LRP2: variants seen among roughly 807,000 people sequenced by gnomAD.
LRP2 encodes low-density lipoprotein receptor-related protein 2.
In LRP2, 172 loss-of-function variants were observed where a neutral mutation model predicts 531.0. The ratio of observed to expected loss-of-function variants is 0.32; its 90% CI spans 0.29 to 0.37. The LOEUF is 0.37. Among genes scored for constraint, LRP2 ranks in the 10% least tolerant of loss-of-function variants. LRP2 has a pLI of 1.00. For missense variants in LRP2, 5,167 were observed against 5,868.3 expected, an observed-to-expected ratio of 0.88 and a Z score of 3.90; for synonymous variants, 1,992 against 2,027.6, an observed-to-expected ratio of 0.98 and a Z score of 0.47.
chr2:169,238,039 G>A lies in LRP2; in HGVS notation c.4506+52C>T, dbSNP rs1046757839. 3.3e-6 allele frequency: 5 copies of A among 1,502,822 alleles called. No homozygotes were observed. In the African/African-American group the frequency reaches 5.5e-5, roughly 17 times the overall value. The allele number at this position is 1,502,822 out of a possible 1,614,324, so 93.1% of individuals were successfully genotyped here. On this transcript the variant is annotated intron_variant, in intron 27 of 78. Transcript: ENST00000649046. ...TCTCACTGGTGAATAACAGCAAACA[G>A]ACCCAAGACAGAGGAACTAGCCAGG...
intron 4 of LRP2, among the ~76,000 whole-genome samples, chr2:169,299,042 AAG>A (rs1293387619): frequency 6.6e-6 from 1 of 150,402 alleles, no homozygotes; most frequent in Non-Finnish European, 1.5e-5. Flanking sequence ...TTTATTAAAA[AAG>A]AAATTCAGAA....
chr2:169,262,684 A>G (rs62172659), intron 16 of LRP2, among the ~76,000 whole-genome samples: 5,755 of 149,760 alleles, frequency 0.038, 143 homozygotes, highest in South Asian at 0.1. Context: ...GGTAATTTAT[A>G]GATTCAATGC....
intron 1 of LRP2, among the ~76,000 whole-genome samples, chr2:169,356,876 T>C (rs754727052): frequency 6.6e-5 from 10 of 152,210 alleles, no homozygotes; most frequent in Non-Finnish European, 1.5e-4. Flanking sequence ...TTCAGAATCT[T>C]AAATGCAAAA....
Position 169,182,235 on chromosome 2 carries a change from G to A in LRP2, c.9930C>T (p.His3310=), listed in dbSNP as rs147493850. The A allele has an allele frequency of 1.2e-6, 2 of 1,614,032 alleles. No homozygotes were observed. Among genetic ancestry groups the A allele is most frequent in the Middle Eastern group, 1.6e-4 (1 of 6,080 alleles). ...AGAAGGTGTTGTTGGCATCCACACA[G>A]TGCTGGGCCAGCATGCGGCGGTGTC... is the stretch of plus-strand genomic sequence containing the variant. ...NGGHRRMLAQ[H]CVDANNTFCF... is the part of the protein sequence containing the mutation. Residue 3310 remains histidine, a synonymous_variant, in exon 51 of 79, where the codon CAC becomes CAT. Coordinates refer to ENST00000649046, the MANE Select transcript of LRP2 (RefSeq NM_004525.3).
At chr2:169,302,254 T>G (rs1684303346) in intron 4 of LRP2, among the ~76,000 whole-genome samples, 1 of 152,162 alleles carries the variant, frequency 6.6e-6, no homozygotes, top group East Asian at 1.9e-4. Flanking sequence ...TTAAAATAAC[T>G]AAGTACTGCT....
At chr2:169,171,158 G>T (rs1397047722) in intron 58 of LRP2, among the ~76,000 whole-genome samples, 1 of 152,006 alleles carries the variant, frequency 6.6e-6, no homozygotes, top group Non-Finnish European at 1.5e-5. Flanking sequence ...ATGCCAATTG[G>T]ATTACCCTTT....
At chr2:169,243,960 C>G (rs1039544018) in intron 22 of LRP2, among the ~76,000 whole-genome samples, 9 of 152,166 alleles carry the variant, frequency 5.9e-5, no homozygotes, top group Non-Finnish European at 1.2e-4. Context: ...CTGAACAGAA[C>G]AATTCTAAAA....
intron 4 of LRP2, among the ~76,000 whole-genome samples, chr2:169,299,910 A>C (rs1009598776): frequency 4.6e-5 from 7 of 152,118 alleles, no homozygotes; most frequent in African/African-American, 1.7e-4. Context: ...AAATAATTTG[A>C]ATACTCATCA....
chr2:169,356,113 A>G (rs998503180), intron 1 of LRP2, among the ~76,000 whole-genome samples: 1 of 152,122 alleles, frequency 6.6e-6, no homozygotes, highest in Non-Finnish European at 1.5e-5. Flanking sequence ...GCTGGTCTCA[A>G]ACTCCTAGGC....
intron 33 of LRP2, among the ~76,000 whole-genome samples, chr2:169,221,759 T>C (rs1283143050): frequency 6.6e-6 from 1 of 152,148 alleles, no homozygotes; most frequent in Non-Finnish European, 1.5e-5. Flanking sequence ...CTCTGCCTAT[T>C]GTCTGGTATC....
intron 17 of LRP2, 150 bp downstream of exon 17, chr2:169,258,875 A>C: frequency 1.3e-6 from 1 of 742,336 alleles, no homozygotes; most frequent in Non-Finnish European, 2.2e-6. Context: ...AGTTTTTTGG[A>C]GGAAAAAAGA....
At chr2:169,174,982 A>G (rs928923135) in intron 55 of LRP2, among the ~76,000 whole-genome samples, 2 of 150,502 alleles carry the variant, frequency 1.3e-5, no homozygotes, top group Non-Finnish European at 2.9e-5. Flanking sequence ...CTTATTGTCT[A>G]CTTCAACCAT....
chr2:169,172,868 CT>C (rs1328301843), intron 57 of LRP2, among the ~76,000 whole-genome samples: 1 of 152,210 alleles, frequency 6.6e-6, no homozygotes, highest in Non-Finnish European at 1.5e-5. Flanking sequence ...TTAATAACGT[CT>C]TCCTCAATGA....
At chr2:169,191,136 A>G (rs966507623) in intron 48 of LRP2, among the ~76,000 whole-genome samples, 2 of 152,228 alleles carry the variant, frequency 1.3e-5, no homozygotes, top group Admixed American at 1.3e-4. Flanking sequence ...CCAGATTTCC[A>G]ACTTCTGTCA....
chr2:169,140,797 G>A (rs1685693789), intron 71 of LRP2, among the ~76,000 whole-genome samples: 1 of 152,190 alleles, frequency 6.6e-6, no homozygotes, highest in Non-Finnish European at 1.5e-5. Flanking sequence ...CTAGACTCTG[G>A]AGCACATATA....
At chr2:169,338,093 C>T (rs1685454458) in intron 1 of LRP2, among the ~76,000 whole-genome samples, 1 of 150,704 alleles carries the variant, frequency 6.6e-6, no homozygotes, top group Non-Finnish European at 1.5e-5. Context: ...GCCTGACTGA[C>T]AGAGCAAACC....
chr2:169,247,642 A>T, intron 19 of LRP2, 127 bp from the exon 20 acceptor site: 1 of 1,004,800 alleles, frequency 1.0e-6, no homozygotes, highest in Admixed American at 1.9e-5. Flanking sequence ...AAATATCTGT[A>T]ATATGTTTCT....
At chr2:169,167,093 C>T (rs1314716251) in intron 61 of LRP2, among the ~76,000 whole-genome samples, 1 of 152,198 alleles carries the variant, frequency 6.6e-6, no homozygotes, top group African/African-American at 2.4e-5. Context: ...GTGTCTCTGA[C>T]TCTCCAAAGT....
At chr2:169,319,399 CTGTT>C (rs1684852015) in intron 2 of LRP2, among the ~76,000 whole-genome samples, 1 of 152,182 alleles carries the variant, frequency 6.6e-6, no homozygotes, top group Admixed American at 6.5e-5. Context: ...ACTCATCTCA[CTGTT>C]TGTTGTGAAA....
Sources: allele counts gnomAD v4.1 joint callset (sites outside exome capture counted in the v4.1 genomes callset), GRCh38; gene constraint gnomAD v4.1.1; transcripts MANE v1.5; gene names NCBI Gene and HGNC (gene_info 2026-07-23, HGNC 2026-07-21).